COP1: variants seen among roughly 807,000 people sequenced by gnomAD.
COP1 encodes the protein COP1 E3 ubiquitin ligase.
Under a neutral mutation model 101.3 loss-of-function variants are expected in COP1, and 24 were observed. That is an observed-to-expected ratio of 0.24 (90% CI 0.17 to 0.33). The LOEUF (loss-of-function observed/expected upper bound fraction) is 0.33, where lower values mean the gene tolerates loss of function less well. Ranked by LOEUF, COP1 falls within the 10% of genes least tolerant of loss-of-function variation. COP1 has a pLI of 1.00. For missense variants in COP1, 663 were observed against 906.2 expected (o/e 0.73, Z 3.45); for synonymous variants, 347 against 341.9 (o/e 1.01, Z -0.17).
At chr1:175,963,680 G>A (rs1056494401) in intron 18 of COP1, among the ~76,000 whole-genome samples, 3 of 152,002 alleles carry the variant, frequency 2.0e-5, no homozygotes, top group African/African-American at 7.2e-5. Context: ...CTTTCCCTTT[G>A]TCTTTAGACT....
chr1:176,142,723 A>C (rs1171001582), intron 6 of COP1, among the ~76,000 whole-genome samples: 1 of 152,110 alleles, frequency 6.6e-6, no homozygotes, highest in Non-Finnish European at 1.5e-5. Context: ...AGAACAAAAA[A>C]AAAACAAAAT....
rs183673172 is a variant in COP1, at chr1:176,057,123, G to A, written c.1278-10799C>T. On this transcript the variant is annotated intron_variant, in intron 11 of 19. Coordinates refer to ENST00000367669, the MANE Select transcript of COP1 (RefSeq NM_022457.7). ...TACCCCTGCGTTTCCAATATTTGCT[G>A]AACATTCCAAACTTACTAATTATAA... Among the ~76,000 whole-genome samples the A allele has an allele frequency of 3.0e-3, 457 of 152,248 alleles. 2 individuals are homozygous for A. The highest frequency in any genetic ancestry group is 0.01 in the African/African-American group (430 of 41,532).
chr1:176,159,446 C>G (rs532762238), intron 5 of COP1, among the ~76,000 whole-genome samples: 2 of 152,234 alleles, frequency 1.3e-5, no homozygotes, highest in Admixed American at 1.3e-4. Context: ...CACAGAAGAG[C>G]AATCTGTCAA....
intron 5 of COP1, among the ~76,000 whole-genome samples, chr1:176,155,236 C>CTGCTT (rs964073068): frequency 2.6e-5 from 4 of 152,036 alleles, no homozygotes; most frequent in Non-Finnish European, 5.9e-5. Context: ...CTGAAACTAA[C>CTGCTT]TCAAGCAGCG....
rs534874645 is a variant in COP1, at chr1:175,994,125, T to C, written c.1730-4646A>G. ...AAAGAAAAGAATTTTCAACCCAGAA[T>C]TTCATATCCAGCCAAACTAAGCTTC... On this transcript the variant is annotated intron_variant, in intron 15 of 19. Transcript: ENST00000367669. Among the ~76,000 whole-genome samples the C allele has an allele frequency of 9.2e-3, 1,397 of 152,246 alleles. 23 individuals are homozygous for C. Among genetic ancestry groups the C allele is most frequent in the African/African-American group, 0.031 (1,304 of 41,542 alleles).
intron 18 of COP1, among the ~76,000 whole-genome samples, chr1:175,978,027 T>C (rs1268532915): frequency 1.3e-5 from 2 of 152,120 alleles, no homozygotes; most frequent in Non-Finnish European, 2.9e-5. Flanking sequence ...TCAAAATATT[T>C]TGGATACTTT....
rs1176516958 is a variant in COP1 at position 176,003,195 on chromosome 1, G to A, written c.1730-13716C>T. On this transcript the variant is annotated intron_variant, in intron 15 of 19. Coordinates refer to ENST00000367669, the MANE Select transcript of COP1 (RefSeq NM_022457.7). ...TGTTCATGTCCTTTGCCCACTTTTT[G>A]ATGGGGTTGTTTTCTTGTAAATTTG... Among the ~76,000 whole-genome samples, 38 of 151,584 alleles carry A rather than the reference G, an allele frequency of 2.5e-4. No individual in the cohort carries two copies. The South Asian group carries it at 7.7e-3, about 31-fold the overall frequency.
At chr1:175,954,411 T>C (rs1399422177) in intron 18 of COP1, among the ~76,000 whole-genome samples, 1 of 151,530 alleles carries the variant, frequency 6.6e-6, no homozygotes, top group Non-Finnish European at 1.5e-5. Flanking sequence ...AGAATGACAG[T>C]CATGAAGAGC....
chr1:175,953,039 TAAC>T (rs1650148693), intron 18 of COP1, among the ~76,000 whole-genome samples: 1 of 152,172 alleles, frequency 6.6e-6, no homozygotes, highest in Admixed American at 6.5e-5. Flanking sequence ...GGAAAAATAA[TAAC>T]AGTGCTTTAA....
chr1:176,167,925 C>A (rs1695382042), intron 3 of COP1, among the ~76,000 whole-genome samples: 1 of 151,938 alleles, frequency 6.6e-6, no homozygotes. Context: ...AAAACAGTGA[C>A]TGACAGTAGT....
At chr1:175,978,259 T>C (rs915221746) in intron 18 of COP1, among the ~76,000 whole-genome samples, 1 of 152,152 alleles carries the variant, frequency 6.6e-6, no homozygotes, top group East Asian at 1.9e-4. Context: ...AAGTTAAGAA[T>C]CATTCTAATG....
chr1:176,174,985 T>C (rs1009771614), intron 3 of COP1, among the ~76,000 whole-genome samples: 3 of 152,212 alleles, frequency 2.0e-5, no homozygotes, highest in African/African-American at 7.2e-5. Flanking sequence ...TCCGATCATT[T>C]ATCATTTATA....
At chr1:176,077,591 C>T (rs1160955563) in intron 11 of COP1, among the ~76,000 whole-genome samples, 2 of 152,128 alleles carry the variant, frequency 1.3e-5, no homozygotes, top group African/African-American at 4.8e-5. Context: ...ACAATTAAAA[C>T]AAGACAAGGA....
At chr1:176,206,286 T>G (rs1375950858) in intron 1 of COP1, 2 of 441,664 alleles carry the variant, frequency 4.5e-6, no homozygotes, top group Non-Finnish European at 8.1e-6. Flanking sequence ...TATTTGACCT[T>G]CCACCTCTTC....
intron 9 of COP1, 142 bp downstream of exon 9, chr1:176,116,482 G>C: frequency 1.7e-6 from 1 of 599,806 alleles, no homozygotes; most frequent in Non-Finnish European, 3.0e-6. Context: ...TTATGCATAA[G>C]AGCTATTCAA....
At chr1:176,187,969 G>A (rs1027180135) in intron 1 of COP1, among the ~76,000 whole-genome samples, 1 of 152,132 alleles carries the variant, frequency 6.6e-6, no homozygotes, top group Non-Finnish European at 1.5e-5. Context: ...AAAGGGATTA[G>A]TGCCCTTACA....
chr1:176,200,467 G>A (rs1024960452), intron 1 of COP1, among the ~76,000 whole-genome samples: 16 of 152,258 alleles, frequency 1.1e-4, no homozygotes, highest in African/African-American at 3.9e-4. Flanking sequence ...AGACACTTGA[G>A]CATGGATCAT....
chr1:176,050,912 T>A (rs1672433422), intron 11 of COP1, among the ~76,000 whole-genome samples: 1 of 152,204 alleles, frequency 6.6e-6, no homozygotes, highest in African/African-American at 2.4e-5. Flanking sequence ...AAACTTGCAA[T>A]TTCAATTAGA....
chr1:176,109,411 CCACCTTTAT>C (rs1350583597), intron 9 of COP1, among the ~76,000 whole-genome samples: 1 of 152,192 alleles, frequency 6.6e-6, no homozygotes, highest in Non-Finnish European at 1.5e-5. Context: ...ATCTACATGA[CCACCTTTAT>C]CACAGACTAT....
Sources: allele counts gnomAD v4.1 joint callset (sites outside exome capture counted in the v4.1 genomes callset), GRCh38; gene constraint gnomAD v4.1.1; transcripts MANE v1.5; gene names NCBI Gene and HGNC (gene_info 2026-07-23, HGNC 2026-07-21).